Variants in CLTC observed in about 807,000 individuals in gnomAD.
CLTC encodes clathrin heavy chain, also known as clathrin heavy chain 1.
CLTC carries 16 observed loss-of-function variants against 195.8 expected under a neutral mutation model. That is an observed-to-expected ratio of 0.08 (90% confidence interval 0.06 to 0.12). The LOEUF (loss-of-function observed/expected upper bound fraction) is 0.12. Among genes scored for constraint, CLTC ranks in the 10% least tolerant of loss-of-function variants. The pLI, the probability that CLTC is intolerant of heterozygous loss-of-function variation, is 1.00. For synonymous variants in CLTC, 667 were observed against 689.4 expected (o/e 0.97, Z 0.51); for missense variants, 796 against 2,027.0 (o/e 0.39, Z 11.66).
intron 31 of CLTC, among the ~76,000 whole-genome samples, chr17:59,693,357 ATTCT>A (rs1346210756): frequency 1.0e-5 from 1 of 97,028 alleles, no homozygotes; most frequent in Non-Finnish European, 2.3e-5. Context: ...ACAGAGCCAG[ATTCT>A]TTTTTTTTTT....
chr17:59,655,703 A>G (rs1567949647), intron 5 of CLTC, 151 bp from the exon 6 acceptor site: 1 of 564,234 alleles, frequency 1.8e-6, no homozygotes, highest in Non-Finnish European at 2.9e-6. Context: ...TGCTGTAGAA[A>G]TGAAGGAAAC....
intron 10 of CLTC, among the ~76,000 whole-genome samples, chr17:59,665,828 G>A (rs560900062): frequency 1.5e-4 from 23 of 152,102 alleles, no homozygotes; most frequent in Non-Finnish European, 2.8e-4. Flanking sequence ...CAATAAGAGC[G>A]AAACTCTGCC....
rs146289434 is a variant in CLTC, at chr17:59,651,690, A to C, written c.795+374A>C. 6.2e-4 allele frequency among the ~76,000 whole-genome samples: 94 copies of C among 152,356 alleles called. 2 individuals are homozygous for C. The East Asian group carries it at 0.016, about 26-fold the overall frequency. ...AATTTAAAAATACTTTATTGCTAAA[A>C]AATGTTAATGATTATTTGAGCCTTT... On this transcript the variant is annotated intron_variant, in intron 5 of 31. Transcript: ENST00000269122.
At chr17:59,693,555 A>G (rs1372090674) in intron 31 of CLTC, among the ~76,000 whole-genome samples, 173 bp from the exon 32 acceptor site, 1 of 152,120 alleles carries the variant, frequency 6.6e-6, no homozygotes, top group Non-Finnish European at 1.5e-5. Flanking sequence ...GAACCTTCTT[A>G]GAGTAAGACT....
chr17:59,629,524 T>TTC, intron 1 of CLTC, among the ~76,000 whole-genome samples: 1 of 148,674 alleles, frequency 6.7e-6, no homozygotes, highest in South Asian at 2.2e-4. Flanking sequence ...CATAATTTTT[T>TTC]TTTTTTTTTT....
At position 59,694,770 on chromosome 17, in the gene CLTC, CAT is replaced by C. The variant is rs1249766519; in HGVS notation, c.*920_*921del. 6.6e-5 allele frequency: 15 copies of C among 225,682 alleles called. No homozygotes were observed. Among genetic ancestry groups the C allele is most frequent in the African/African-American group, 2.0e-4 (9 of 44,982 alleles). The allele number at this position is 225,682 out of a possible 1,614,324, so 14.0% of individuals were successfully genotyped here. On this transcript the variant is annotated 3_prime_UTR_variant, in exon 32 of 32. Transcript: ENST00000269122. ...ATAAATTACTGGACTGTGGAAATAACATAGAATTGAAGTTTTAATTAAATACC... is the reference window on the plus strand; with the variant it reads ...ATAAATTACTGGACTGTGGAAATAACAGAATTGAAGTTTTAATTAAATACC...
At chr17:59,686,909 C>G in intron 30 of CLTC, 2 of 746,712 alleles carry the variant, frequency 2.7e-6, no homozygotes, top group Middle Eastern at 7.0e-4. Context: ...TTAGATGTTT[C>G]TTCCCTAAAC....
At position 59,685,241 on chromosome 17, in the gene CLTC, G is replaced by A; in HGVS notation, c.4605+15G>A. ...GCCTTTACAAGGTTGATAAAGTTGC[G>A]GGGCAGGGGCTGTTTTAAACCAGGC... On this transcript the variant is annotated intron_variant, in intron 29 of 31. Coordinates refer to ENST00000269122, the MANE Select transcript of CLTC (RefSeq NM_004859.4). This position sits in a 1 kb window ranked among gnomAD's most constrained non-coding sequence, Gnocchi z 5.0. 6.4e-7 allele frequency: 1 copy of A among 1,564,042 alleles called. No homozygotes were observed. Among genetic ancestry groups the A allele is most frequent in the Non-Finnish European group, 8.7e-7 (1 of 1,150,158 alleles).
At chr17:59,647,103 A>G (rs994463828) in intron 2 of CLTC, among the ~76,000 whole-genome samples, 1 of 152,222 alleles carries the variant, frequency 6.6e-6, no homozygotes, top group Non-Finnish European at 1.5e-5. Context: ...GTTTTCAATT[A>G]TTGTTAAGAA....
chr17:59,664,663 A>C, intron 9 of CLTC, 124 bp from the exon 10 acceptor site: 1 of 1,033,470 alleles, frequency 9.7e-7, no homozygotes, highest in African/African-American at 1.6e-5. Context: ...GGCACCTTAA[A>C]TTGAAAATGA....
intron 1 of CLTC, among the ~76,000 whole-genome samples, chr17:59,621,074 G>A (rs1351541915): frequency 1.3e-5 from 2 of 152,172 alleles, no homozygotes; most frequent in African/African-American, 2.4e-5. Flanking sequence ...GACCTGCAGG[G>A]CTATTTGGTC....
At chr17:59,624,004 A>C (rs1012602062) in intron 1 of CLTC, among the ~76,000 whole-genome samples, 1 of 152,218 alleles carries the variant, frequency 6.6e-6, no homozygotes, top group African/African-American at 2.4e-5. Flanking sequence ...ATATTTCGTT[A>C]GCTAAAATTA....
At chr17:59,638,337 T>TA (rs199683733) in intron 1 of CLTC, among the ~76,000 whole-genome samples, 186 of 150,842 alleles carry the variant, frequency 1.2e-3, no homozygotes, top group Admixed American at 2.1e-3. Context: ...CCCTGTCTCT[T>TA]AAAAAAAAAC....
intron 1 of CLTC, among the ~76,000 whole-genome samples, chr17:59,641,074 A>C (rs1016996924): frequency 1.3e-5 from 2 of 151,160 alleles, no homozygotes; most frequent in South Asian, 2.1e-4. Flanking sequence ...AGCCGAGATC[A>C]TGCCACTGCA....
chr17:59,628,763 A>G (rs894631211), intron 1 of CLTC, among the ~76,000 whole-genome samples: 16 of 152,112 alleles, frequency 1.1e-4, no homozygotes, highest in Non-Finnish European at 2.2e-4. Context: ...GGTTCAAGCA[A>G]TTCTCCTGCC....
chr17:59,693,711 G>T lies in CLTC; in HGVS notation c.4904-17G>T, dbSNP rs1223488525. On this transcript the variant is annotated splice_polypyrimidine_tract_variant and intron_variant, in intron 31 of 31. Coordinates refer to ENST00000269122, the MANE Select transcript of CLTC (RefSeq NM_004859.4). ...TTGCCCCTGCCCCCTGCTCCTTTTT[G>T]TTTTCTTCTACTGTAGGTCAGCCCC... The T allele has an allele frequency of 2.5e-6, 4 of 1,603,652 alleles. No individual in the cohort carries two copies. The highest frequency in any genetic ancestry group is 1.7e-5 in the Admixed American group (1 of 58,142).
In CLTC at chr17:59,647,581, A is replaced by T; in HGVS notation, c.434A>T (p.His145Leu). The T allele has an allele frequency of 6.2e-7, 1 of 1,614,146 alleles. No individual in the cohort carries two copies. The change falls in exon 3 of 32, where the codon CAT becomes CTT. Residue 145 changes from histidine (H) to leucine (L), a missense_variant. By Grantham distance (99) the His-to-Leu change is moderately conservative. This residue lies in a region of CLTC where 293 missense variants were observed against 795.6 expected (regional missense o/e 0.37). Coordinates refer to ENST00000269122, the MANE Select transcript of CLTC (RefSeq NM_004859.4). ...ESQPVKMFDR[H>L]SSLAGCQIIN... ...CAGCCAGTGAAAATGTTTGATCGCCATTCTAGCCTTGCAGGGTGCCAGATT... is the reference window on the plus strand; with the variant it reads ...CAGCCAGTGAAAATGTTTGATCGCCTTTCTAGCCTTGCAGGGTGCCAGATT...
chr17:59,665,938 T>TA (rs1401922819), intron 10 of CLTC, among the ~76,000 whole-genome samples, 165 bp from the exon 11 acceptor site: 1 of 152,250 alleles, frequency 6.6e-6, no homozygotes, highest in Non-Finnish European at 1.5e-5. Context: ...TAGTTGTTTT[T>TA]ATCAGAACTC....
chr17:59,678,904 AG>A (rs2033023574), intron 17 of CLTC, among the ~76,000 whole-genome samples: 2 of 152,154 alleles, frequency 1.3e-5, no homozygotes, highest in Admixed American at 1.3e-4. Context: ...CAGAAAGCTG[AG>A]GCAGGAGGAT....
Sources: allele counts gnomAD v4.1 joint callset (sites outside exome capture counted in the v4.1 genomes callset), GRCh38; gene constraint gnomAD v4.1.1; regional missense constraint gnomAD v4.1.1; non-coding constraint Gnocchi (gnomAD v3.1); transcripts MANE v1.5; gene names NCBI Gene and HGNC (gene_info 2026-07-23, HGNC 2026-07-21).